Variants in FSIP1 observed in about 807,000 individuals in gnomAD.
The protein encoded by FSIP1 is fibrous sheath interacting protein 1, also known as fibrous sheath-interacting protein 1.
Under a neutral mutation model 60.9 loss-of-function variants are expected in FSIP1, and 65 were observed. The ratio of observed to expected loss-of-function variants is 1.07; its 90% CI spans 0.87 to 1.31. The LOEUF is 1.31. Among genes scored for constraint, FSIP1 ranks in the 40% most tolerant of loss-of-function variants. The pLI is 0.00. For missense variants in FSIP1, 675 were observed against 665.5 expected, an observed-to-expected ratio of 1.01 and a Z score of -0.16; for synonymous variants, 209 against 221.2, an observed-to-expected ratio of 0.94 and a Z score of 0.49.
chr15:39,649,235 C>T (rs1204351522), intron 10 of FSIP1, among the ~76,000 whole-genome samples: 6 of 152,196 alleles, frequency 3.9e-5, no homozygotes, highest in Non-Finnish European at 8.8e-5. Flanking sequence ...AGACCAAAAA[C>T]ACCTGTAAAG....
intron 11 of FSIP1, among the ~76,000 whole-genome samples, chr15:39,617,357 A>T (rs1434405253): frequency 6.6e-6 from 1 of 152,210 alleles, no homozygotes; most frequent in Non-Finnish European, 1.5e-5. Context: ...CAAGTTTTAC[A>T]TTTTAAATTC....
intron 10 of FSIP1, among the ~76,000 whole-genome samples, chr15:39,661,574 C>T (rs953760640): frequency 9.9e-5 from 15 of 152,098 alleles, no homozygotes; most frequent in African/African-American, 3.4e-4. Context: ...CAAAGATGAC[C>T]AGGTATTTTT....
intron 5 of FSIP1, among the ~76,000 whole-genome samples, chr15:39,761,453 A>G (rs1897495324): frequency 6.6e-6 from 1 of 152,252 alleles, no homozygotes; most frequent in Non-Finnish European, 1.5e-5. Flanking sequence ...CATTATGCCA[A>G]GCAAAATAAA....
chr15:39,765,751 A>C lies in FSIP1; in HGVS notation c.311-5T>G. Reference sequence around the variant, plus strand: ...ATTCTTTTAATTTGGGTTCATCTATATTGTGTTGAAAGTAAAAATAGGTTT... The same window carrying C: ...ATTCTTTTAATTTGGGTTCATCTATCTTGTGTTGAAAGTAAAAATAGGTTT... On this transcript the variant is annotated splice_region_variant and splice_polypyrimidine_tract_variant and intron_variant, in intron 3 of 11. Coordinates refer to ENST00000350221, the MANE Select transcript of FSIP1 (RefSeq NM_152597.5). The C allele has an allele frequency of 6.9e-7, 1 of 1,456,696 alleles. No homozygotes were observed. The highest frequency in any genetic ancestry group is 9.4e-7 in the Non-Finnish European group (1 of 1,064,548). 90.2% of individuals were successfully genotyped at this position (1,456,696 alleles called of 1,614,324 possible). A position where few individuals can be genotyped will look rare whatever the true frequency, so the allele number is the denominator to read the frequency against.
At chr15:39,647,426 C>T (rs1025384270) in intron 10 of FSIP1, among the ~76,000 whole-genome samples, 2 of 151,876 alleles carry the variant, frequency 1.3e-5, no homozygotes, top group African/African-American at 4.8e-5. Context: ...GATACAAAAA[C>T]AAAAGCCCTG....
intron 8 of FSIP1, among the ~76,000 whole-genome samples, chr15:39,735,826 T>C (rs1436696435): frequency 6.6e-6 from 1 of 152,170 alleles, no homozygotes; most frequent in Non-Finnish European, 1.5e-5. Flanking sequence ...CTTTTTTTAT[T>C]TTTAAGATTT....
At chr15:39,775,709 A>ACT (rs1160418618) in intron 2 of FSIP1, among the ~76,000 whole-genome samples, 2 of 149,982 alleles carry the variant, frequency 1.3e-5, no homozygotes, top group Non-Finnish European at 3.0e-5. Flanking sequence ...CTCCTCCTTC[A>ACT]CTCTCTCTCT....
chr15:39,627,014 C>T (rs185524790), intron 10 of FSIP1, among the ~76,000 whole-genome samples: 1 of 152,260 alleles, frequency 6.6e-6, no homozygotes, highest in Non-Finnish European at 1.5e-5. Context: ...TCAGCTAGGC[C>T]CCACCCATAT....
chr15:39,721,071 T>C (rs556635339), intron 9 of FSIP1, among the ~76,000 whole-genome samples: 1 of 152,312 alleles, frequency 6.6e-6, no homozygotes, highest in African/African-American at 2.4e-5. Context: ...GGCCAGAGCA[T>C]CTATATGAGA....
chr15:39,680,272 C>A (rs1183354398), intron 10 of FSIP1, among the ~76,000 whole-genome samples: 1 of 152,094 alleles, frequency 6.6e-6, no homozygotes, highest in Non-Finnish European at 1.5e-5. Context: ...CTGATAAATG[C>A]ATAGATAATA....
At chr15:39,644,287 C>T (rs1404927265) in intron 10 of FSIP1, among the ~76,000 whole-genome samples, 6 of 152,154 alleles carry the variant, frequency 3.9e-5, no homozygotes, top group African/African-American at 1.2e-4. Context: ...GCTGCCCGGC[C>T]GAGTGTGCCA....
At position 39,720,434 on chromosome 15, in the gene FSIP1, A is replaced by G. The variant is rs565713734; in HGVS notation, c.1050+6155T>C. Among the ~76,000 whole-genome samples, 8 of 152,348 alleles carry G rather than the reference A, an allele frequency of 5.3e-5. No individual in the cohort carries two copies. The South Asian group carries it at 1.7e-3, about 32-fold the overall frequency. On this transcript the variant is annotated intron_variant, in intron 9 of 11. Coordinates refer to ENST00000350221, the MANE Select transcript of FSIP1 (RefSeq NM_152597.5). ...GAGGACCTTTATATTCAATTAAACT[A>G]GTTAGTTTAAGAACACAGCAATGCC...
At chr15:39,598,391 A>C (rs1313191022), downstream of FSIP1, 1 of 152,258 alleles carries the variant, frequency 6.6e-6, no homozygotes, top group African/African-American at 2.4e-5. Context: ...AGCAGGAACT[A>C]GAAAGTGTTG....
chr15:39,713,811 CAGA>C (rs1015669070), intron 9 of FSIP1, among the ~76,000 whole-genome samples: 3 of 152,186 alleles, frequency 2.0e-5, no homozygotes, highest in African/African-American at 7.2e-5. Context: ...ATTTGGGAAG[CAGA>C]AGGAGACAGT....
At chr15:39,613,767 G>A (rs1162228991) in intron 11 of FSIP1, among the ~76,000 whole-genome samples, 1 of 152,068 alleles carries the variant, frequency 6.6e-6, no homozygotes, top group South Asian at 2.1e-4. Flanking sequence ...GATCAAATGG[G>A]CTTTATCCCT....
chr15:39,765,805 T>C (rs1897665999), intron 3 of FSIP1, 59 bp from the exon 4 acceptor site: 29 of 960,796 alleles, frequency 3.0e-5, no homozygotes. Context: ...AAAGTTTTGT[T>C]TTGTTCTTAC....
At chr15:39,740,753 T>C (rs1896775510) in intron 6 of FSIP1, among the ~76,000 whole-genome samples, 2 of 152,126 alleles carry the variant, frequency 1.3e-5, no homozygotes, top group African/African-American at 4.8e-5. Context: ...TCAATACAGA[T>C]ATAACCATTT....
intron 10 of FSIP1, among the ~76,000 whole-genome samples, chr15:39,711,298 G>A (rs1288946167): frequency 2.0e-5 from 3 of 150,042 alleles, no homozygotes; most frequent in Non-Finnish European, 3.0e-5. Context: ...ATGGTAAAAG[G>A]GGCAAATGAG....
At chr15:39,768,449 T>TA (rs777527981) in intron 3 of FSIP1, among the ~76,000 whole-genome samples, 43 of 152,172 alleles carry the variant, frequency 2.8e-4, no homozygotes, top group Non-Finnish European at 5.1e-4. Context: ...CTTTCAAAAA[T>TA]AAAAAACATG....
Sources: allele counts gnomAD v4.1 joint callset (sites outside exome capture counted in the v4.1 genomes callset), GRCh38; gene constraint gnomAD v4.1.1; transcripts MANE v1.5; gene names NCBI Gene and HGNC (gene_info 2026-07-23, HGNC 2026-07-21).